The following NOX4 variants were observed in gnomAD, a reference collection of about 807,000 sequenced individuals.
NOX4 encodes the protein kidney oxidase-1.
A neutral mutation model predicts 87.6 loss-of-function variants in NOX4; 69 were observed. The observed-to-expected ratio is 0.79, with a 90% CI of 0.65 to 0.96. The LOEUF is 0.96. Among genes scored for constraint, NOX4 ranks in the 40% least tolerant of loss-of-function variants. NOX4 has a pLI of 0.00. For synonymous variants in NOX4, 275 were observed against 238.2 expected (o/e 1.15, Z -1.42); for missense variants, 680 against 681.5 (o/e 1.00, Z 0.02).
At chr11:89,365,455 G>GAA (rs11337701) in intron 12 of NOX4, among the ~76,000 whole-genome samples, 1 of 147,436 alleles carries the variant, frequency 6.8e-6, no homozygotes, top group East Asian at 2.0e-4. Context: ...AAGAGGGTGG[G>GAA]AAAAAAAAAA....
intron 12 of NOX4, among the ~76,000 whole-genome samples, chr11:89,361,357 C>T (rs1170429235): frequency 6.6e-6 from 1 of 152,044 alleles, no homozygotes; most frequent in East Asian, 1.9e-4. Context: ...GAATGGAAAA[C>T]TAAATATCCT....
intron 2 of NOX4, among the ~76,000 whole-genome samples, chr11:89,460,932 G>C (rs1945432138): frequency 6.6e-6 from 1 of 152,146 alleles, no homozygotes; most frequent in South Asian, 2.1e-4. Context: ...TGATAGACTG[G>C]ATTAAGAAAA....
the NOX4 span, among the ~76,000 whole-genome samples, chr11:89,567,945 G>A: frequency 4.5e-4 from 68 of 152,300 alleles, no homozygotes; most frequent in Non-Finnish European, 3.8e-4. Flanking sequence ...GTGCATGTGT[G>A]GACCCTGATG....
chr11:89,558,127 C>T, the NOX4 span, among the ~76,000 whole-genome samples: 1 of 152,034 alleles, frequency 6.6e-6, no homozygotes, highest in Non-Finnish European at 1.5e-5. Flanking sequence ...GCACCAGAAA[C>T]AAGAAACTAT....
intron 11 of NOX4, among the ~76,000 whole-genome samples, chr11:89,384,517 T>A (rs1205822731): frequency 6.6e-6 from 1 of 152,140 alleles, no homozygotes. Flanking sequence ...CAACAACTCC[T>A]TTCCTTCCTA....
intron 11 of NOX4, among the ~76,000 whole-genome samples, chr11:89,373,891 C>T (rs1378159319): frequency 6.6e-6 from 1 of 151,936 alleles, no homozygotes; most frequent in Non-Finnish European, 1.5e-5. Context: ...TATACTTACC[C>T]TAACAAATTC....
chr11:89,373,180 C>T (rs2135058499), intron 12 of NOX4, among the ~76,000 whole-genome samples: 1 of 146,620 alleles, frequency 6.8e-6, no homozygotes, highest in East Asian at 2.1e-4. Flanking sequence ...TGCAAGCACA[C>T]TGAACAATAT....
chr11:89,554,499 A>T, the NOX4 span, among the ~76,000 whole-genome samples: 1 of 152,070 alleles, frequency 6.6e-6, no homozygotes, highest in African/African-American at 2.4e-5. Context: ...TTATTTTCAC[A>T]TAATTCATTT....
the NOX4 span, among the ~76,000 whole-genome samples, chr11:89,554,851 G>A: frequency 6.6e-6 from 1 of 151,846 alleles, no homozygotes; most frequent in Non-Finnish European, 1.5e-5. Context: ...AAGTTATCAA[G>A]TTATCAATTT....
the NOX4 span, among the ~76,000 whole-genome samples, chr11:89,539,209 A>G: frequency 6.6e-6 from 1 of 152,124 alleles, no homozygotes; most frequent in Non-Finnish European, 1.5e-5. Context: ...CAAGACGGGC[A>G]GATCATGAGG....
chr11:89,473,250 T>C (rs1031872885), intron 2 of NOX4, among the ~76,000 whole-genome samples: 1 of 152,150 alleles, frequency 6.6e-6, no homozygotes, highest in Non-Finnish European at 1.5e-5. Flanking sequence ...CATGGTTGAC[T>C]AGATAACTGA....
intron 6 of NOX4, among the ~76,000 whole-genome samples, chr11:89,435,276 C>A (rs1228594464): frequency 6.6e-6 from 1 of 151,956 alleles, no homozygotes; most frequent in Non-Finnish European, 1.5e-5. Context: ...GTTAGAGGGG[C>A]CTTTCCAATA....
rs768706654 is a variant in NOX4 at position 89,490,564 on chromosome 11, C to A, written c.58-11G>T. The A allele has an allele frequency of 1.2e-6, 2 of 1,605,536 alleles. No homozygotes were observed. The highest frequency in any genetic ancestry group is 1.7e-6 in the Non-Finnish European group (2 of 1,172,356). ...GGAGAGCCAGATGAACTAAACCAAT[C>A]AGACATGAGAGACAGAAAACAAAAA... On this transcript the variant is annotated splice_polypyrimidine_tract_variant and intron_variant, in intron 1 of 17. Transcript: ENST00000263317.
At chr11:89,426,722 TG>T (rs1402506152) in intron 7 of NOX4, among the ~76,000 whole-genome samples, 1 of 152,100 alleles carries the variant, frequency 6.6e-6, no homozygotes, top group African/African-American at 2.4e-5. Context: ...CAAAGTGGCC[TG>T]GATGCTCAAA....
intron 2 of NOX4, among the ~76,000 whole-genome samples, chr11:89,460,849 A>G (rs1261475510): frequency 6.6e-6 from 1 of 152,232 alleles, no homozygotes; most frequent in Non-Finnish European, 1.5e-5. Context: ...CTGTAAAGAC[A>G]CATGCACACG....
At chr11:89,409,097 GA>G (rs11323768) in intron 8 of NOX4, among the ~76,000 whole-genome samples, 14,006 of 149,838 alleles carry the variant, frequency 0.093, 800 homozygotes, top group South Asian at 0.2. Flanking sequence ...CCCTTGCAAA[GA>G]AAAAAAAAGG....
At chr11:89,530,288 ACT>A in the NOX4 span, among the ~76,000 whole-genome samples, 1 of 140,566 alleles carries the variant, frequency 7.1e-6, no homozygotes, top group Admixed American at 7.2e-5. Flanking sequence ...CCTTTCCCTC[ACT>A]CTCTCCATAA....
chr11:89,405,103 T>TGTGTGTGTGTGTGC (rs1555016991), intron 8 of NOX4, among the ~76,000 whole-genome samples: 147 of 151,674 alleles, frequency 9.7e-4, no homozygotes, highest in African/African-American at 3.4e-3. Context: ...TGTGTGTGTG[T>TGTGTGTGTGTGTGC]GTGTGTGTGT....
rs1944568573 is a variant in NOX4 at position 89,443,937 on chromosome 11, T to A, written c.447+198A>T. The A allele has an allele frequency of 2.1e-5, 11 of 529,756 alleles. No homozygotes were observed. In the East Asian group the frequency reaches 3.4e-4, roughly 16 times the overall value. The allele number at this position is 529,756 out of a possible 1,614,324, so 32.8% of individuals were successfully genotyped here. ...TAAAAAGTAGACATTCTACCAACTC[T>A]CACTTTCAGCAGGAGACACTATGAA... On this transcript the variant is annotated intron_variant, in intron 5 of 17. Transcript: ENST00000263317.
Sources: gnomAD v4.1 joint callset for allele counts (sites outside exome capture counted in the v4.1 genomes callset) on GRCh38, gnomAD v4.1.1 for gene constraint, MANE v1.5 for transcripts, NCBI Gene and HGNC (gene_info 2026-07-23, HGNC 2026-07-21) for gene names.